The following PKIB variants were observed in gnomAD, a reference collection of about 807,000 sequenced individuals.
The protein encoded by PKIB is cAMP-dependent protein kinase inhibitor beta.
PKIB carries 2 observed loss-of-function variants against 4.5 expected under a neutral mutation model. The ratio of observed to expected loss-of-function variants is 0.44; its 90% CI spans 0.18 to 1.39. The LOEUF is 1.39. Ranked by LOEUF, PKIB falls within the 40% of genes most tolerant of loss-of-function variation. The pLI is 0.27. For missense variants in PKIB, 94 were observed against 92.6 expected, an observed-to-expected ratio of 1.02 and a Z score of -0.06; for synonymous variants, 38 against 36.0, an observed-to-expected ratio of 1.06 and a Z score of -0.20.
intron 1 of PKIB, among the ~76,000 whole-genome samples, chr6:122,622,388 T>C (rs1775274873): frequency 6.6e-6 from 1 of 152,164 alleles, no homozygotes; most frequent in South Asian, 2.1e-4. Flanking sequence ...ACTCCAAAGA[T>C]TCAAGGATAG....
chr6:122,635,986 A>G (rs1017131465), intron 2 of PKIB, among the ~76,000 whole-genome samples: 1 of 152,182 alleles, frequency 6.6e-6, no homozygotes, highest in Non-Finnish European at 1.5e-5. Flanking sequence ...ATGTTTTAAA[A>G]GACTAATATT....
At chr6:122,581,779 CTT>C (rs751204371) in intron 2 of PKIB, 1 of 151,804 alleles carries the variant, frequency 6.6e-6, no homozygotes, top group Non-Finnish European at 1.5e-5. Flanking sequence ...CATTAAAAAT[CTT>C]TAATTGTGCC....
chr6:122,504,655 C>A (rs1776343926), intron 2 of PKIB, among the ~76,000 whole-genome samples: 1 of 152,128 alleles, frequency 6.6e-6, no homozygotes, highest in Non-Finnish European at 1.5e-5. Context: ...TGGCTTTAAA[C>A]AGTTATTTTA....
chr6:122,655,300 A>G (rs1776722973), intron 2 of PKIB, among the ~76,000 whole-genome samples: 2 of 152,252 alleles, frequency 1.3e-5, no homozygotes, highest in Admixed American at 6.5e-5. Flanking sequence ...AAAAATGTTT[A>G]TATGTTGAAA....
At chr6:122,552,695 A>G (rs1772714072) in intron 2 of PKIB, among the ~76,000 whole-genome samples, 1 of 152,088 alleles carries the variant, frequency 6.6e-6, no homozygotes, top group Non-Finnish European at 1.5e-5. Flanking sequence ...GGCAGTTCTA[A>G]AACAGAGTGC....
intron 4 of PKIB, among the ~76,000 whole-genome samples, chr6:122,724,373 A>C (rs915552706): frequency 1.3e-5 from 2 of 152,198 alleles, no homozygotes; most frequent in African/African-American, 4.8e-5. Context: ...AGCCAGCTCC[A>C]AAATTGTGCA....
At chr6:122,709,298 A>C (rs576306786) in intron 3 of PKIB, among the ~76,000 whole-genome samples, 51 of 151,728 alleles carry the variant, frequency 3.4e-4, no homozygotes, top group Non-Finnish European at 6.5e-4. Context: ...ACCGTGTAAC[A>C]AACAAGAGGA....
At chr6:122,653,115 A>G (rs1776629142) in intron 2 of PKIB, among the ~76,000 whole-genome samples, 1 of 152,222 alleles carries the variant, frequency 6.6e-6, no homozygotes, top group African/African-American at 2.4e-5. Context: ...GAAGAATTCT[A>G]GGATTGGAAA....
intron 3 of PKIB, among the ~76,000 whole-genome samples, chr6:122,587,854 G>A (rs979061474): frequency 2.8e-4 from 42 of 152,190 alleles, no homozygotes; most frequent in African/African-American, 9.6e-4. Context: ...CATATCCTTC[G>A]TCTACTTGTT....
At chr6:122,510,110 T>C (rs1004703123) in intron 2 of PKIB, among the ~76,000 whole-genome samples, 4 of 152,174 alleles carry the variant, frequency 2.6e-5, no homozygotes, top group African/African-American at 9.6e-5. Flanking sequence ...TTTTTTTAAA[T>C]TTGAACCTTT....
rs118104173 is a variant in PKIB, at chr6:122,615,942, T to G, written c.-161+5407T>G. On this transcript the variant is annotated intron_variant, in intron 1 of 4. Transcript: ENST00000368452. ...GTGTGAAAATAAATTTCTGTTGTGT[T>G]AAGTCACTCAGTTTGTGGTAATTTG... Among the ~76,000 whole-genome samples the G allele has an allele frequency of 1.7e-3, 252 of 152,306 alleles. 3 individuals are homozygous for G. In the East Asian group the frequency reaches 0.033, roughly 20 times the overall value.
At chr6:122,605,369 G>A (rs1774494460), upstream of PKIB, among the ~76,000 whole-genome samples, 1 of 152,226 alleles carries the variant, frequency 6.6e-6, no homozygotes, top group South Asian at 2.1e-4. Context: ...GCTTTTTAAA[G>A]AGAGTTCCAT....
chr6:122,657,716 T>C (rs1458175304), intron 2 of PKIB, among the ~76,000 whole-genome samples: 2 of 152,252 alleles, frequency 1.3e-5, no homozygotes, highest in African/African-American at 2.4e-5. Flanking sequence ...TGTTGCTCTT[T>C]TTTTAGCTGT....
At chr6:122,533,212 C>T (rs968085612) in intron 2 of PKIB, among the ~76,000 whole-genome samples, 1 of 151,838 alleles carries the variant, frequency 6.6e-6, no homozygotes, top group Non-Finnish European at 1.5e-5. Context: ...GTCTGTCGCC[C>T]AGACTGGAGT....
At chr6:122,478,045 G>T (rs572964141) in intron 2 of PKIB, 1 of 152,220 alleles carries the variant, frequency 6.6e-6, no homozygotes, top group South Asian at 2.1e-4. Flanking sequence ...AGGCTTAGCT[G>T]TTTGGTAGCA....
chr6:122,691,167 T>A (rs1778338752), intron 3 of PKIB, among the ~76,000 whole-genome samples: 1 of 152,070 alleles, frequency 6.6e-6, no homozygotes, highest in Non-Finnish European at 1.5e-5. Context: ...TAAGGTAGTC[T>A]CCTTTCAGTT....
chr6:122,627,218 TG>T (rs1275814857), intron 1 of PKIB, among the ~76,000 whole-genome samples: 6 of 150,796 alleles, frequency 4.0e-5, no homozygotes, highest in Admixed American at 4.0e-4. Context: ...CACTCCAGCC[TG>T]GGCGACAGAG....
At chr6:122,524,514 C>T (rs1462552821) in intron 2 of PKIB, among the ~76,000 whole-genome samples, 2 of 152,044 alleles carry the variant, frequency 1.3e-5, no homozygotes, top group Non-Finnish European at 2.9e-5. Context: ...CTTGGAAGTT[C>T]CCTCCTCTTC....
At chr6:122,724,998 T>C in intron 4 of PKIB, 130 bp from the exon 5 acceptor site, 1 of 668,356 alleles carries the variant, frequency 1.5e-6, no homozygotes, top group Non-Finnish European at 2.6e-6. Flanking sequence ...CTCTTCTTTG[T>C]ATAGTTTCCA....
Sources: gnomAD v4.1 joint callset for allele counts (sites outside exome capture counted in the v4.1 genomes callset) on GRCh38, gnomAD v4.1.1 for gene constraint, MANE v1.5 for transcripts, NCBI Gene and HGNC (gene_info 2026-07-23, HGNC 2026-07-21) for gene names.